GNA14: variants seen among roughly 807,000 people sequenced by gnomAD.
GNA14 encodes G protein subunit alpha 14, also known as guanine nucleotide-binding protein subunit alpha-14.
Under a neutral mutation model 42.0 loss-of-function variants are expected in GNA14, and 50 were observed. The ratio of observed to expected loss-of-function variants is 1.19; its 90% CI spans 0.95 to 1.51. The LOEUF is 1.51. Among genes scored for constraint, GNA14 ranks in the 40% most tolerant of loss-of-function variants. GNA14 has a pLI of 0.00. For missense variants in GNA14, 473 were observed against 446.2 expected, an observed-to-expected ratio of 1.06 and a Z score of -0.54; for synonymous variants, 173 against 163.1, an observed-to-expected ratio of 1.06 and a Z score of -0.46.
chr9:77,541,200 G>A (rs1162205856), intron 1 of GNA14, among the ~76,000 whole-genome samples: 1 of 152,050 alleles, frequency 6.6e-6, no homozygotes, highest in Non-Finnish European at 1.5e-5. Context: ...ACTTCTTTGT[G>A]CCTTTCTTGT....
At chr9:77,426,349 G>C (rs1835453582) in intron 5 of GNA14, among the ~76,000 whole-genome samples, 1 of 151,754 alleles carries the variant, frequency 6.6e-6, no homozygotes, top group African/African-American at 2.4e-5. Context: ...GTGTCGCCCA[G>C]GCTGGAGTAC....
chr9:77,583,254 G>A (rs1203095385), intron 1 of GNA14, among the ~76,000 whole-genome samples: 1 of 152,178 alleles, frequency 6.6e-6, no homozygotes, highest in South Asian at 2.1e-4. Flanking sequence ...AAGGGGCTGG[G>A]AACAGAGAAG....
At chr9:77,609,690 G>T (rs895574032) in intron 1 of GNA14, among the ~76,000 whole-genome samples, 2 of 152,180 alleles carry the variant, frequency 1.3e-5, no homozygotes, top group Middle Eastern at 3.2e-3. Flanking sequence ...AACACATCCT[G>T]ATTTTTCAGG....
chr9:77,520,505 G>T (rs776438587), intron 2 of GNA14, among the ~76,000 whole-genome samples: 1 of 152,212 alleles, frequency 6.6e-6, no homozygotes, highest in Non-Finnish European at 1.5e-5. Context: ...CGTGAATTAT[G>T]AGAGTGTTTC....
chr9:77,602,591 T>C (rs1823584446), intron 1 of GNA14, among the ~76,000 whole-genome samples: 1 of 151,476 alleles, frequency 6.6e-6, no homozygotes, highest in African/African-American at 2.4e-5. Context: ...TTCTCCTCTC[T>C]CCTCCTCTCC....
chr9:77,513,017 A>G (rs568867428), intron 2 of GNA14, among the ~76,000 whole-genome samples: 4 of 152,368 alleles, frequency 2.6e-5, no homozygotes, highest in South Asian at 2.1e-4. Flanking sequence ...CAGTGAAAGC[A>G]CTAATCCTGA....
chr9:77,427,894 G>A (rs1294229799), intron 5 of GNA14, among the ~76,000 whole-genome samples: 1 of 152,112 alleles, frequency 6.6e-6, no homozygotes, highest in African/African-American at 2.4e-5. Flanking sequence ...GATCTAATTT[G>A]GGAGCACCAT....
chr9:77,624,407 T>C (rs541981730), intron 1 of GNA14, among the ~76,000 whole-genome samples: 1 of 152,312 alleles, frequency 6.6e-6, no homozygotes, highest in South Asian at 2.1e-4. Flanking sequence ...CCCAGCACAA[T>C]GCTCCAGCTC....
At chr9:77,438,810 G>A (rs1835681728) in intron 2 of GNA14, among the ~76,000 whole-genome samples, 1 of 152,106 alleles carries the variant, frequency 6.6e-6, no homozygotes, top group South Asian at 2.1e-4. Context: ...GTAAGTTGCA[G>A]GCACGATGCC....
At chr9:77,586,184 A>AT (rs1823298684) in intron 1 of GNA14, among the ~76,000 whole-genome samples, 1 of 152,206 alleles carries the variant, frequency 6.6e-6, no homozygotes, top group Non-Finnish European at 1.5e-5. Context: ...CAAATTGGTT[A>AT]TAACAAATTA....
intron 1 of GNA14, among the ~76,000 whole-genome samples, chr9:77,568,292 T>C (rs1823003449): frequency 6.6e-6 from 1 of 151,908 alleles, no homozygotes; most frequent in Non-Finnish European, 1.5e-5. Context: ...ATTTGGGGGC[T>C]CAGATATTTC....
intron 2 of GNA14, among the ~76,000 whole-genome samples, chr9:77,435,534 C>A (rs1179385455): frequency 6.6e-6 from 1 of 152,110 alleles, no homozygotes; most frequent in Non-Finnish European, 1.5e-5. Context: ...ACTCTCCCCA[C>A]ACCACTGATT....
chr9:77,505,533 AG>A (rs1837054499), intron 2 of GNA14, among the ~76,000 whole-genome samples: 1 of 152,190 alleles, frequency 6.6e-6, no homozygotes, highest in Non-Finnish European at 1.5e-5. Flanking sequence ...TTTGTTCTTG[AG>A]GACACAGCAG....
chr9:77,518,486 T>C (rs1837297278), intron 2 of GNA14, among the ~76,000 whole-genome samples: 1 of 151,964 alleles, frequency 6.6e-6, no homozygotes, highest in Non-Finnish European at 1.5e-5. Flanking sequence ...GTTCAGAGCC[T>C]TGGGGAGAAC....
chr9:77,445,723 C>T lies in GNA14; in HGVS notation c.310-11201G>A, dbSNP rs555946361. Among the ~76,000 whole-genome samples, 3 of 152,164 alleles carry T rather than the reference C, an allele frequency of 2.0e-5. No individual in the cohort carries two copies. In the East Asian group the frequency reaches 5.8e-4, roughly 30 times the overall value. On this transcript the variant is annotated intron_variant, in intron 2 of 6. Coordinates refer to ENST00000341700, the MANE Select transcript of GNA14 (RefSeq NM_004297.4). Reference sequence around the variant, plus strand: ...CACCACTGCACTCCAGCCTGGGCAACAGCGAGACCCCATCTTTAAAAAATA... The same window carrying T: ...CACCACTGCACTCCAGCCTGGGCAATAGCGAGACCCCATCTTTAAAAAATA...
Position 77,647,777 on chromosome 9 carries a change from C to A in GNA14, c.17G>T (p.Cys6Phe), listed in dbSNP as rs1304212636. The A allele has an allele frequency of 6.2e-7, 1 of 1,609,236 alleles. No homozygotes were observed. Among genetic ancestry groups the A allele is most frequent in the East Asian group, 2.2e-5 (1 of 44,796 alleles). MAGCCCLSAEEKESQR... is the reference protein window; with the variant it reads MAGCCFLSAEEKESQR... The stretch of plus-strand genomic sequence containing the variant: ...CGACTCCTTCTCCTCCGCGGACAGG[C>A]AGCAGCAGCCGGCCATGGTGCGCTC... The change falls in exon 1 of 7, where the codon TGC (cysteine) becomes TTC (phenylalanine). Residue 6 changes from cysteine to phenylalanine, a missense_variant. Physicochemically the swap from Cys to Phe is radical, Grantham distance 205 (BLOSUM62 -2). Coordinates refer to ENST00000341700, the MANE Select transcript of GNA14 (RefSeq NM_004297.4).
intron 1 of GNA14, among the ~76,000 whole-genome samples, chr9:77,641,071 G>C (rs1299517108): frequency 5.7e-5 from 2 of 34,856 alleles, no homozygotes; most frequent in African/African-American, 2.1e-4. Flanking sequence ...GGAGGGGAGG[G>C]GAGGGGAGGG....
chr9:77,481,468 A>G (rs1194942624), intron 2 of GNA14, among the ~76,000 whole-genome samples: 1 of 152,146 alleles, frequency 6.6e-6, no homozygotes, highest in African/African-American at 2.4e-5. Context: ...TTTACTTCCA[A>G]CTCTGTGGTC....
intron 2 of GNA14, among the ~76,000 whole-genome samples, chr9:77,511,693 G>T (rs112664072): frequency 2.6e-5 from 4 of 151,984 alleles, no homozygotes; most frequent in Non-Finnish European, 2.9e-5. Flanking sequence ...CTGTCTTCTG[G>T]CCCCACTCTC....
Sources: allele counts gnomAD v4.1 joint callset (sites outside exome capture counted in the v4.1 genomes callset), GRCh38; gene constraint gnomAD v4.1.1; transcripts MANE v1.5; gene names NCBI Gene and HGNC (gene_info 2026-07-23, HGNC 2026-07-21).